Variants in ITSN1 observed in about 807,000 individuals in gnomAD.
The protein encoded by ITSN1 is intersectin-1.
A neutral mutation model predicts 239.8 loss-of-function variants in ITSN1; 58 were observed. That is an observed-to-expected ratio of 0.24 (90% CI 0.20 to 0.30). The LOEUF (loss-of-function observed/expected upper bound fraction) is 0.30, where lower values mean the gene tolerates loss of function less well. Ranked by LOEUF, ITSN1 falls within the 10% of genes least tolerant of loss-of-function variation. The pLI is 1.00. For synonymous variants in ITSN1, 780 were observed against 770.8 expected (o/e 1.01, Z -0.20); for missense variants, 1,558 against 2,103.3 (o/e 0.74, Z 5.07).
At chr21:33,715,383 A>G (rs997356272) in intron 1 of ITSN1, among the ~76,000 whole-genome samples, 3 of 152,206 alleles carry the variant, frequency 2.0e-5, no homozygotes, top group Admixed American at 2.0e-4. Flanking sequence ...CAGTAAAAAA[A>G]TGGAAGTAAA....
chr21:33,658,352 C>T (rs1449991536), intron 1 of ITSN1, among the ~76,000 whole-genome samples: 1 of 151,992 alleles, frequency 6.6e-6, no homozygotes, highest in Non-Finnish European at 1.5e-5. Flanking sequence ...TCATGTTATT[C>T]AAGGGTCAAC....
intron 1 of ITSN1, among the ~76,000 whole-genome samples, chr21:33,668,454 C>A (rs535173341): frequency 2.6e-5 from 4 of 152,188 alleles, no homozygotes; most frequent in Non-Finnish European, 5.9e-5. Flanking sequence ...GAGATCTGCA[C>A]TGGGGCTGAA....
In ITSN1 at chr21:33,813,960, C is replaced by G. The variant is rs774422281; in HGVS notation, c.2615C>G (p.Ala872Gly). The G allele has an allele frequency of 1.9e-6, 3 of 1,614,030 alleles. No individual in the cohort carries two copies. In the Admixed American group the frequency reaches 5.0e-5, roughly 27 times the overall value. The change falls in exon 22 of 40, where the codon GCA becomes GGA. Residue 872 changes from alanine (A) to glycine (G), a missense_variant. Around this residue, in one of 2 missense-constraint regions of ITSN1, gnomAD observed 982 missense variants for 1,209.9 expected, o/e 0.81. Transcript: ENST00000381318. ...NEKPETDNWD[A>G]WAAQPSLTVP... Reference sequence around the variant, plus strand: ...AAACCAGAAACGGATAACTGGGATGCATGGGCAGCCCAGCCCTCTCTCACC... The same window carrying G: ...AAACCAGAAACGGATAACTGGGATGGATGGGCAGCCCAGCCCTCTCTCACC...
At chr21:33,887,378 G>A (rs1312092845) in intron 39 of ITSN1, among the ~76,000 whole-genome samples, 3 of 151,436 alleles carry the variant, frequency 2.0e-5, no homozygotes, top group Admixed American at 1.3e-4. Flanking sequence ...AATTATAACC[G>A]AAGAAGTGAG....
Position 33,886,355 on chromosome 21 carries a change from A to G in ITSN1, c.4912A>G (p.Thr1638Ala). 1.2e-6 allele frequency: 2 copies of G among 1,613,984 alleles called. No homozygotes were observed. The highest frequency in any genetic ancestry group is 1.7e-6 in the Non-Finnish European group (2 of 1,179,982). ...QCHITKTIQD[T>A]LNPKWNSNCQ... Reference sequence around the variant, plus strand: ...CCACATCACCAAGACGATCCAGGACACTCTGAACCCCAAGTGGAATTCCAA... The same window carrying G: ...CCACATCACCAAGACGATCCAGGACGCTCTGAACCCCAAGTGGAATTCCAA... Residue 1638 changes from threonine to alanine, a missense_variant, in exon 39 of 40, where the codon ACT becomes GCT. Physicochemically the swap from Thr to Ala is moderately conservative, Grantham distance 58. Coordinates refer to ENST00000381318, the MANE Select transcript of ITSN1 (RefSeq NM_003024.3).
chr21:33,899,789 AAAC>A lies in ITSN1; in HGVS notation c.*11493_*11495del, dbSNP rs371598960. ...CTTCAAAAACAAAAACAAAAACAAA[AAAC>A]AACTCTTTGGTCATTTTGACCTGTG... is the stretch of plus-strand genomic sequence containing the variant. On this transcript the variant is annotated 3_prime_UTR_variant, in exon 40 of 40. Transcript: ENST00000381318. 312 of 152,380 alleles carry A rather than the reference AAAC, an allele frequency of 2.0e-3. 2 individuals carry two copies. Among genetic ancestry groups the A allele is most frequent in the African/African-American group, 6.1e-3 (255 of 41,590 alleles). The allele number at this position is 152,380 out of a possible 1,614,324, so 9.4% of individuals were successfully genotyped here. A position where few individuals can be genotyped will look rare whatever the true frequency, so the allele number is the denominator to read the frequency against.
intron 29 of ITSN1, chr21:33,836,942 T>C: frequency 6.5e-7 from 1 of 1,533,614 alleles, no homozygotes; most frequent in Non-Finnish European, 9.0e-7. Flanking sequence ...TGAATTTTGC[T>C]CATTGTTTTG....
Position 33,767,785 on chromosome 21 carries a change from A to G in ITSN1, c.999A>G (p.Pro333=), listed in dbSNP as rs1317227380. The G allele has an allele frequency of 6.2e-7, 1 of 1,612,094 alleles. No homozygotes were observed. The highest frequency in any genetic ancestry group is 8.5e-7 in the Non-Finnish European group (1 of 1,178,368). ...TSVDQRLPEE[P]VLEDEQQQLE... ...TAGATCAGAGGCTACCAGAGGAACC[A>G]GTTTTAGAAGATGAACAACAACAAT... Residue 333 remains proline (P), a synonymous_variant, in exon 11 of 40, where the codon CCA becomes CCG. Transcript: ENST00000381318.
In ITSN1 at chr21:33,751,794, A is replaced by C. The variant is rs987799380; in HGVS notation, c.527-16A>C. 7.0e-6 allele frequency: 11 copies of C among 1,566,370 alleles called. No individual in the cohort carries two copies. Among genetic ancestry groups the C allele is most frequent in the Non-Finnish European group, 9.7e-6 (11 of 1,139,004 alleles). Reference sequence around the variant, plus strand: ...ATCTTTGTAGAATTAAAATTATTCAACATTTATTTTTACAGCAGCCACATT... The same window carrying C: ...ATCTTTGTAGAATTAAAATTATTCACCATTTATTTTTACAGCAGCCACATT... On this transcript the variant is annotated splice_polypyrimidine_tract_variant and intron_variant, in intron 6 of 39. Coordinates refer to ENST00000381318, the MANE Select transcript of ITSN1 (RefSeq NM_003024.3).
chr21:33,765,755 G>A, intron 9 of ITSN1, 120 bp from the exon 10 acceptor site: 1 of 967,040 alleles, frequency 1.0e-6, no homozygotes, highest in Non-Finnish European at 1.6e-6. Flanking sequence ...ACAAAATGAG[G>A]GACAAAGAGA....
At chr21:33,742,201 C>T (rs2066903081) in intron 5 of ITSN1, among the ~76,000 whole-genome samples, 1 of 151,936 alleles carries the variant, frequency 6.6e-6, no homozygotes, top group South Asian at 2.1e-4. Context: ...GGATTACAGG[C>T]ATGTGCCACC....
intron 1 of ITSN1, among the ~76,000 whole-genome samples, chr21:33,693,594 T>C (rs1237740548): frequency 6.6e-6 from 1 of 152,210 alleles, no homozygotes; most frequent in Admixed American, 6.5e-5. Flanking sequence ...TGACCTCAGG[T>C]GATCTACCCT....
chr21:33,658,707 A>G (rs1054269042), intron 1 of ITSN1, among the ~76,000 whole-genome samples: 2 of 151,956 alleles, frequency 1.3e-5, no homozygotes, highest in Non-Finnish European at 2.9e-5. Flanking sequence ...CTTCTGACCA[A>G]CCTCTTCCTC....
At position 33,899,569 on chromosome 21, in the gene ITSN1, ATTGT is replaced by A. The variant is rs1364502259; in HGVS notation, c.*11272_*11275del. ...AGGTTTGATGAAGCAGGGCCAAAAC[ATTGT>A]TTCTTCTTTTTTGTTTGAAAGAAGC... On this transcript the variant is annotated 3_prime_UTR_variant, in exon 40 of 40. Coordinates refer to ENST00000381318, the MANE Select transcript of ITSN1 (RefSeq NM_003024.3). 6.6e-6 allele frequency: 1 copy of A among 152,082 alleles called. No individual in the cohort carries two copies. Among genetic ancestry groups the A allele is most frequent in the African/African-American group, 2.4e-5 (1 of 41,404 alleles). 9.4% of individuals were successfully genotyped at this position (152,082 alleles called of 1,614,324 possible). A position where few individuals can be genotyped will look rare whatever the true frequency, so the allele number is the denominator to read the frequency against.
intron 1 of ITSN1, among the ~76,000 whole-genome samples, chr21:33,663,014 CATT>C (rs1381775435): frequency 1.3e-5 from 2 of 152,120 alleles, no homozygotes; most frequent in African/African-American, 4.8e-5. Flanking sequence ...AGTATTATAA[CATT>C]ATAAAACAAG....
chr21:33,674,622 C>T (rs1479196232), intron 1 of ITSN1, among the ~76,000 whole-genome samples: 1 of 151,782 alleles, frequency 6.6e-6, no homozygotes. Context: ...GGTTTTGGCA[C>T]CTGAAAAGAA....
intron 29 of ITSN1, among the ~76,000 whole-genome samples, chr21:33,849,766 G>A (rs529311734): frequency 6.6e-6 from 1 of 152,144 alleles, no homozygotes; most frequent in Non-Finnish European, 1.5e-5. Context: ...AATAGCTCAG[G>A]TGCGCCATAA....
intron 20 of ITSN1, among the ~76,000 whole-genome samples, chr21:33,804,336 G>T (rs1602333363): frequency 6.6e-6 from 1 of 152,042 alleles, no homozygotes; most frequent in Non-Finnish European, 1.5e-5. Flanking sequence ...AATTTAATGT[G>T]GTACCTTGTA....
At chr21:33,763,447 T>C (rs2068508008) in intron 9 of ITSN1, among the ~76,000 whole-genome samples, 1 of 152,088 alleles carries the variant, frequency 6.6e-6, no homozygotes, top group African/African-American at 2.4e-5. Context: ...TTGGGGGATG[T>C]CCTGTATACT....
Sources: gnomAD v4.1 joint callset for allele counts (sites outside exome capture counted in the v4.1 genomes callset) on GRCh38, gnomAD v4.1.1 for gene constraint, gnomAD v4.1.1 regional missense constraint, MANE v1.5 for transcripts, NCBI Gene and HGNC (gene_info 2026-07-23, HGNC 2026-07-21) for gene names.